Variants in RALGAPA2 observed in about 807,000 individuals in gnomAD.
The protein encoded by RALGAPA2 is ral GTPase-activating protein subunit alpha-2.
Under a neutral mutation model 230.4 loss-of-function variants are expected in RALGAPA2, and 139 were observed. That is an observed-to-expected ratio of 0.60 (90% CI 0.53 to 0.69). The LOEUF (loss-of-function observed/expected upper bound fraction) is 0.69, where lower values mean the gene tolerates loss of function less well. RALGAPA2 is among the 30% of genes least tolerant of loss of function. The pLI is 0.00. For synonymous variants in RALGAPA2, 847 were observed against 837.8 expected (o/e 1.01, Z -0.19); for missense variants, 2,163 against 2,276.0 (o/e 0.95, Z 1.01).
rs536082114 is a variant in RALGAPA2, at chr20:20,559,280, G to C, written c.3156+12178C>G. Among the ~76,000 whole-genome samples the C allele has an allele frequency of 4.5e-4, 68 of 152,238 alleles. 1 individual carries two copies. The highest frequency in any genetic ancestry group is 7.1e-4 in the Non-Finnish European group (48 of 68,008). On this transcript the variant is annotated intron_variant, in intron 23 of 39. Coordinates refer to ENST00000202677, the MANE Select transcript of RALGAPA2 (RefSeq NM_020343.4). ...CTCTACCGACCAACCCTCTAATGTG[G>C]GTGGAGGCCTGGATGAATTAGAATG...
chr20:20,400,564 A>G (rs1349487332), intron 38 of RALGAPA2, among the ~76,000 whole-genome samples: 2 of 152,228 alleles, frequency 1.3e-5, no homozygotes, highest in Non-Finnish European at 2.9e-5. Context: ...TAAATTTAAA[A>G]TTAATATCTT....
At chr20:20,623,911 T>G (rs960703168) in intron 10 of RALGAPA2, among the ~76,000 whole-genome samples, 2 of 152,306 alleles carry the variant, frequency 1.3e-5, no homozygotes, top group East Asian at 3.9e-4. Context: ...ACAACTGAAG[T>G]CCTTGTGAGA....
chr20:20,407,716 A>AT (rs2122731161), intron 38 of RALGAPA2, among the ~76,000 whole-genome samples: 1 of 152,380 alleles, frequency 6.6e-6, no homozygotes, highest in African/African-American at 2.4e-5. Flanking sequence ...CAAACTTAAC[A>AT]TAACGACTGT....
intron 10 of RALGAPA2, among the ~76,000 whole-genome samples, chr20:20,624,581 A>G (rs1389721047): frequency 1.3e-5 from 2 of 152,136 alleles, no homozygotes; most frequent in African/African-American, 2.4e-5. Context: ...TATAATATAA[A>G]TGTATAATAA....
chr20:20,643,624 A>G, intron 4 of RALGAPA2, 75 bp from the exon 5 acceptor site: 1 of 1,247,300 alleles, frequency 8.0e-7, no homozygotes, highest in Non-Finnish European at 1.1e-6. Context: ...GAAAATATGT[A>G]CTTATGACAA....
chr20:20,427,943 T>G (rs1397379562), intron 37 of RALGAPA2, among the ~76,000 whole-genome samples: 1 of 152,172 alleles, frequency 6.6e-6, no homozygotes, highest in Admixed American at 6.5e-5. Context: ...CTAAATCTTT[T>G]CAACTTTTAA....
intron 37 of RALGAPA2, among the ~76,000 whole-genome samples, chr20:20,467,081 C>T (rs2061435608): frequency 6.6e-6 from 1 of 152,152 alleles, no homozygotes; most frequent in Admixed American, 6.5e-5. Context: ...GCATCGAAAC[C>T]ATACAAGACA....
intron 37 of RALGAPA2, among the ~76,000 whole-genome samples, chr20:20,455,140 C>T (rs2061081287): frequency 6.6e-6 from 1 of 152,220 alleles, no homozygotes; most frequent in Admixed American, 6.5e-5. Context: ...TGTTACGAAT[C>T]TAAGCCCCGG....
intron 14 of RALGAPA2, among the ~76,000 whole-genome samples, chr20:20,609,105 C>T (rs749915250): frequency 1.1e-4 from 16 of 152,134 alleles, no homozygotes; most frequent in Non-Finnish European, 2.2e-4. Flanking sequence ...AAGCAATCTT[C>T]CCACCTCAGC....
intron 10 of RALGAPA2, among the ~76,000 whole-genome samples, chr20:20,624,053 G>A (rs772143602): frequency 2.0e-5 from 3 of 152,108 alleles, no homozygotes; most frequent in East Asian, 1.9e-4. Flanking sequence ...GACGCTGGAC[G>A]CGGTAGCTCA....
In RALGAPA2 at chr20:20,468,670, T is replaced by G. The variant is rs112187762; in HGVS notation, c.5495+4159A>C. On this transcript the variant is annotated intron_variant, in intron 37 of 39. Transcript: ENST00000202677. Reference sequence around the variant, plus strand: ...AAACCATTCTCTCCTATTCCCGTCTTTCTTTATCTCTGCCCCCTCCTTTCA... The same window carrying G: ...AAACCATTCTCTCCTATTCCCGTCTGTCTTTATCTCTGCCCCCTCCTTTCA... 9.9e-3 allele frequency among the ~76,000 whole-genome samples: 1,510 copies of G among 151,974 alleles called. 19 individuals are homozygous for G. Among genetic ancestry groups the G allele is most frequent in the African/African-American group, 0.035 (1,439 of 41,318 alleles).
chr20:20,554,630 T>C (rs1283379673), intron 23 of RALGAPA2, among the ~76,000 whole-genome samples: 1 of 151,854 alleles, frequency 6.6e-6, no homozygotes, highest in African/African-American at 2.4e-5. Flanking sequence ...AAATTTTCAT[T>C]TCTTTGTTTA....
chr20:20,595,287 T>C (rs771228364), intron 16 of RALGAPA2, among the ~76,000 whole-genome samples: 1 of 152,222 alleles, frequency 6.6e-6, no homozygotes, highest in Non-Finnish European at 1.5e-5. Flanking sequence ...TTATCCCTTA[T>C]ACAAGGTTGC....
intron 3 of RALGAPA2, among the ~76,000 whole-genome samples, chr20:20,669,706 T>C (rs1049251280): frequency 1.3e-5 from 2 of 152,198 alleles, no homozygotes; most frequent in African/African-American, 4.8e-5. Context: ...TGCGTACTGA[T>C]TTTGCCTTGG....
At chr20:20,551,049 C>G (rs751585170) in intron 23 of RALGAPA2, among the ~76,000 whole-genome samples, 1 of 152,174 alleles carries the variant, frequency 6.6e-6, no homozygotes, top group African/African-American at 2.4e-5. Flanking sequence ...TGCTTTCAAG[C>G]AACACCCTTA....
In RALGAPA2 at chr20:20,433,041, G is replaced by A. The variant is rs561780403; in HGVS notation, c.5496-20893C>T. 1.3e-3 allele frequency among the ~76,000 whole-genome samples: 197 copies of A among 152,318 alleles called. 1 individual carries two copies. The highest frequency in any genetic ancestry group is 1.2e-3 in the Non-Finnish European group (81 of 68,034). ...GAGCCTGCATTTTAAGAATGACTAT[G>A]CAAATTTAGTGGCAAGCCATTGGGT... On this transcript the variant is annotated intron_variant, in intron 37 of 39. Coordinates refer to ENST00000202677, the MANE Select transcript of RALGAPA2 (RefSeq NM_020343.4).
intron 1 of RALGAPA2, among the ~76,000 whole-genome samples, chr20:20,706,465 T>C (rs992462439): frequency 6.6e-6 from 1 of 152,206 alleles, no homozygotes; most frequent in African/African-American, 2.4e-5. Flanking sequence ...TTGTTCTAGT[T>C]GTAGAATGTC....
chr20:20,622,004 A>C (rs140026329), intron 10 of RALGAPA2, among the ~76,000 whole-genome samples: 2 of 152,258 alleles, frequency 1.3e-5, no homozygotes, highest in Non-Finnish European at 1.5e-5. Flanking sequence ...ACTTTAACAA[A>C]GCTTCATGCA....
intron 2 of RALGAPA2, among the ~76,000 whole-genome samples, chr20:20,678,723 T>C (rs534052911): frequency 6.6e-6 from 1 of 152,274 alleles, no homozygotes; most frequent in Admixed American, 6.5e-5. Context: ...ACAATCTGTG[T>C]CTTCACATCA....
Sources: allele counts gnomAD v4.1 joint callset (sites outside exome capture counted in the v4.1 genomes callset), GRCh38; gene constraint gnomAD v4.1.1; transcripts MANE v1.5; gene names NCBI Gene and HGNC (gene_info 2026-07-23, HGNC 2026-07-21).